Variants in PTPRQ observed in about 807,000 individuals in gnomAD.
PTPRQ encodes the protein protein tyrosine phosphatase receptor type Q.
Under a neutral mutation model 246.0 loss-of-function variants are expected in PTPRQ, and 199 were observed. The ratio of observed to expected loss-of-function variants is 0.81; its 90% CI spans 0.72 to 0.91. The LOEUF (loss-of-function observed/expected upper bound fraction) is 0.91. Ranked by LOEUF, PTPRQ falls within the 40% of genes least tolerant of loss-of-function variation. The pLI, the probability that PTPRQ is intolerant of heterozygous loss-of-function variation, is 0.00. For synonymous variants in PTPRQ, 869 were observed against 853.2 expected, an observed-to-expected ratio of 1.02 and a Z score of -0.32; for missense variants, 2,624 against 2,528.4, an observed-to-expected ratio of 1.04 and a Z score of -0.81.
chr12:80,629,512 G>T (rs1403441284), intron 33 of PTPRQ, among the ~76,000 whole-genome samples: 1 of 152,138 alleles, frequency 6.6e-6, no homozygotes, highest in Non-Finnish European at 1.5e-5. Flanking sequence ...ATGGCCTTGT[G>T]TTATTCATCA....
intron 9 of PTPRQ, 68 bp downstream of exon 9, chr12:80,484,673 G>A (rs1179072632): frequency 1.7e-5 from 26 of 1,510,330 alleles, no homozygotes; most frequent in Non-Finnish European, 2.1e-5. Context: ...TAGCTTGGAA[G>A]ATTTGCTAGC....
chr12:80,626,630 G>A (rs899467538), intron 33 of PTPRQ, among the ~76,000 whole-genome samples: 5 of 152,080 alleles, frequency 3.3e-5, no homozygotes, highest in African/African-American at 7.2e-5. Flanking sequence ...CATCCCAAAG[G>A]TGGTGGCAGA....
intron 26 of PTPRQ, among the ~76,000 whole-genome samples, chr12:80,603,409 T>G (rs1257170077): frequency 6.6e-6 from 1 of 151,738 alleles, no homozygotes; most frequent in Non-Finnish European, 1.5e-5. Flanking sequence ...TCCAAATTCT[T>G]TAACGTAACA....
At chr12:80,625,410 T>C (rs1363273791) in intron 33 of PTPRQ, among the ~76,000 whole-genome samples, 1 of 152,180 alleles carries the variant, frequency 6.6e-6, no homozygotes, top group Non-Finnish European at 1.5e-5. Context: ...ACTGGTATTT[T>C]GCACACCACA....
Position 80,649,633 on chromosome 12 carries a change from C to T in PTPRQ, c.5988C>T (p.Cys1996=). The change falls in exon 37 of 45, where the codon TGC becomes TGT. Residue 1996 remains cysteine (C), a synonymous_variant. Transcript: ENST00000644991. ...KSFLQHVEEL[C]TNNNLKFQEE... is the part of the protein sequence containing the mutation. ...TCCTGCAACATGTTGAAGAGCTTTG[C>T]ACAAACAACAACCTAAAGTTTCAAG... 6.5e-7 allele frequency: 1 copy of T among 1,549,542 alleles called. No individual in the cohort carries two copies. Among genetic ancestry groups the T allele is most frequent in the Non-Finnish European group, 8.7e-7 (1 of 1,145,694 alleles).
At chr12:80,461,106 A>T (rs1442482654) in intron 6 of PTPRQ, among the ~76,000 whole-genome samples, 2 of 152,150 alleles carry the variant, frequency 1.3e-5, no homozygotes, top group Non-Finnish European at 2.9e-5. Context: ...AAGGAGAAAG[A>T]TTTGCAAAAA....
intron 6 of PTPRQ, among the ~76,000 whole-genome samples, chr12:80,463,069 G>A (rs974403770): frequency 6.6e-5 from 10 of 152,246 alleles, no homozygotes; most frequent in East Asian, 3.9e-4. Context: ...AAACTACTCC[G>A]AGCTACAGGA....
At chr12:80,652,639 T>C in intron 37 of PTPRQ, 105 bp from the exon 38 acceptor site, 1 of 1,196,532 alleles carries the variant, frequency 8.4e-7, no homozygotes, top group Non-Finnish European at 1.1e-6. Context: ...TGTTTTTAAT[T>C]TAAAAATTAA....
At chr12:80,633,332 T>C (rs1205615999) in intron 34 of PTPRQ, among the ~76,000 whole-genome samples, 1 of 152,266 alleles carries the variant, frequency 6.6e-6, no homozygotes, top group Non-Finnish European at 1.5e-5. Flanking sequence ...AGCTTCCTTA[T>C]ATGGTAGACC....
chr12:80,498,140 C>A (rs1453721161), intron 14 of PTPRQ, among the ~76,000 whole-genome samples: 1 of 151,988 alleles, frequency 6.6e-6, no homozygotes, highest in Non-Finnish European at 1.5e-5. Context: ...TGGCATGTTT[C>A]ATTGCTTTTG....
chr12:80,592,321 A>G (rs546363338), intron 26 of PTPRQ, among the ~76,000 whole-genome samples: 1 of 152,202 alleles, frequency 6.6e-6, no homozygotes, highest in Non-Finnish European at 1.5e-5. Context: ...TTTAGTTTCA[A>G]GAATGGAGGA....
intron 17 of PTPRQ, among the ~76,000 whole-genome samples, chr12:80,520,315 T>C (rs1176407981): frequency 6.6e-6 from 1 of 152,158 alleles, no homozygotes; most frequent in African/African-American, 2.4e-5. Context: ...TGATGGCTTT[T>C]TTATTTTTTG....
intron 25 of PTPRQ, among the ~76,000 whole-genome samples, chr12:80,576,249 C>A (rs1386382115): frequency 6.6e-6 from 1 of 152,052 alleles, no homozygotes; most frequent in African/African-American, 2.4e-5. Flanking sequence ...TCAAGAGATT[C>A]TCCTGCCTCA....
intron 25 of PTPRQ, among the ~76,000 whole-genome samples, chr12:80,558,119 CTTTCTTTTCTTTTCTTTTCT>C (rs370347187): frequency 2.4e-4 from 23 of 95,662 alleles, no homozygotes; most frequent in South Asian, 1.2e-3. Flanking sequence ...TCTTTTCTTT[CTTTCTTTTCTTTTCTTTTCT>C]TTTCTTTTCT....
intron 16 of PTPRQ, among the ~76,000 whole-genome samples, chr12:80,507,538 C>A (rs1283496220): frequency 6.6e-6 from 1 of 151,882 alleles, no homozygotes; most frequent in Non-Finnish European, 1.5e-5. Context: ...GGAAGGGAGA[C>A]TTTTCCCTGC....
Position 80,516,731 on chromosome 12 carries a change from A to G in PTPRQ, c.2678+6288A>G, listed in dbSNP as rs112651078. Among the ~76,000 whole-genome samples, 48 of 152,294 alleles carry G rather than the reference A, an allele frequency of 3.2e-4. 1 individual carries two copies. Among genetic ancestry groups the G allele is most frequent in the African/African-American group, 1.1e-3 (47 of 41,564 alleles). On this transcript the variant is annotated intron_variant, in intron 17 of 44. Transcript: ENST00000644991. Reference sequence around the variant, plus strand: ...TTTTCACCGTGTTAAAAATGACCTCATGGTTACTGCATATAATATAGATCA... The same window carrying G: ...TTTTCACCGTGTTAAAAATGACCTCGTGGTTACTGCATATAATATAGATCA...
At chr12:80,506,529 A>G (rs1894964929) in intron 15 of PTPRQ, 40 bp from the exon 16 acceptor site, 5 of 1,406,024 alleles carry the variant, frequency 3.6e-6, no homozygotes, top group Non-Finnish European at 4.8e-6. Flanking sequence ...ATTAAATGAT[A>G]TTTTGTAAGT....
intron 17 of PTPRQ, among the ~76,000 whole-genome samples, chr12:80,528,276 A>G (rs1895749079): frequency 6.6e-6 from 1 of 152,146 alleles, no homozygotes; most frequent in African/African-American, 2.4e-5. Context: ...TATTCCTCCA[A>G]TAGCCCATTT....
At chr12:80,482,580 G>C (rs956539492) in intron 8 of PTPRQ, among the ~76,000 whole-genome samples, 1 of 150,324 alleles carries the variant, frequency 6.7e-6, no homozygotes, top group Non-Finnish European at 1.5e-5. Flanking sequence ...CCATCAGAGC[G>C]AACAGGCAAC....
Sources: gnomAD v4.1 joint callset for allele counts (sites outside exome capture counted in the v4.1 genomes callset) on GRCh38, gnomAD v4.1.1 for gene constraint, MANE v1.5 for transcripts, NCBI Gene and HGNC (gene_info 2026-07-23, HGNC 2026-07-21) for gene names.